Variants in ADRA1A observed in about 807,000 individuals in gnomAD.
ADRA1A encodes adrenoceptor alpha 1A.
Under a neutral mutation model 29.6 loss-of-function variants are expected in ADRA1A, and 31 were observed. The observed-to-expected ratio is 1.05, with a 90% confidence interval of 0.79 to 1.41. The LOEUF is 1.41. Ranked by LOEUF, ADRA1A falls within the 40% of genes most tolerant of loss-of-function variation. ADRA1A has a pLI of 0.00. For missense variants in ADRA1A, 619 were observed against 601.1 expected (o/e 1.03, Z -0.31); for synonymous variants, 311 against 254.3 (o/e 1.22, Z -2.12).
At chr8:26,778,146 G>C (rs1284556615) in intron 2 of ADRA1A, among the ~76,000 whole-genome samples, 1 of 152,160 alleles carries the variant, frequency 6.6e-6, no homozygotes, top group Non-Finnish European at 1.5e-5. Flanking sequence ...AGTTAACAAA[G>C]CCTAAGAAGC....
In ADRA1A at chr8:26,787,786, G is replaced by C. The variant is rs1315415038; in HGVS notation, c.884-17120C>G. Among the ~76,000 whole-genome samples, 2 of 152,124 alleles carry C rather than the reference G, an allele frequency of 1.3e-5. No homozygotes were observed. Among genetic ancestry groups the C allele is most frequent in the African/African-American group, 4.8e-5 (2 of 41,414 alleles). ...CAGTTTCCTGGCACACGTAAGTTCA[G>C]TGTCTGGCTGTAAGCATTTGCTCAT... On this transcript the variant is annotated intron_variant, in intron 2 of 2. Coordinates refer to ENST00000380573, the MANE Select transcript of ADRA1A (RefSeq NM_000680.4). This position sits in a 1 kb window ranked among gnomAD's most constrained non-coding sequence, Gnocchi z 4.2.
chr8:26,790,733 G>C (rs921391232), intron 2 of ADRA1A, among the ~76,000 whole-genome samples: 21 of 151,970 alleles, frequency 1.4e-4, no homozygotes, highest in African/African-American at 4.8e-4. Flanking sequence ...TAATATGTAT[G>C]GTTATTTTGT....
At position 26,831,849 on chromosome 8, in the gene ADRA1A, C is replaced by T. The variant is rs143671283; in HGVS notation, c.883+32238G>A. ...GGTCTCTGGGGCTGTCAGCAGCCAC[C>T]GCCCCTGCGCTGTGGGCTCCCTGCC... On this transcript the variant is annotated intron_variant, in intron 2 of 2. Transcript: ENST00000380573. This position sits in a 1 kb window ranked among gnomAD's most constrained non-coding sequence, Gnocchi z 5.2. Among the ~76,000 whole-genome samples, 274 of 152,334 alleles carry T rather than the reference C, an allele frequency of 1.8e-3. No homozygotes were observed. Among genetic ancestry groups the T allele is most frequent in the Admixed American group, 2.7e-3 (41 of 15,302 alleles).
intron 2 of ADRA1A, among the ~76,000 whole-genome samples, chr8:26,813,847 GC>G (rs1809581908): frequency 1.3e-5 from 2 of 151,852 alleles, no homozygotes; most frequent in Non-Finnish European, 2.9e-5. Context: ...TTTAGACTAG[GC>G]TCAAAAACCT....
chr8:26,764,514 G>A (rs758329012), downstream of ADRA1A, among the ~76,000 whole-genome samples: 6 of 152,172 alleles, frequency 3.9e-5, no homozygotes, highest in Non-Finnish European at 5.9e-5. Flanking sequence ...AGATATGAAC[G>A]TCAAGAGTGT....
At chr8:26,762,774 G>A (rs1033080602), downstream of ADRA1A, among the ~76,000 whole-genome samples, 2 of 152,094 alleles carry the variant, frequency 1.3e-5, no homozygotes, top group African/African-American at 4.8e-5. The surrounding 1 kb of genome is among the most constrained non-coding windows in gnomAD (Gnocchi z 4.0). Flanking sequence ...CACCATCCAC[G>A]CCCCATCTCA....
chr8:26,784,633 T>C (rs767742890), intron 2 of ADRA1A, among the ~76,000 whole-genome samples: 28 of 152,366 alleles, frequency 1.8e-4, no homozygotes, highest in Non-Finnish European at 2.9e-4. Context: ...GATTTGATTT[T>C]GGAGAGTTAG....
chr8:26,832,782 C>A (rs942335614), intron 2 of ADRA1A, among the ~76,000 whole-genome samples: 3 of 152,164 alleles, frequency 2.0e-5, no homozygotes, highest in Non-Finnish European at 2.9e-5. Flanking sequence ...GGGAGGCAAG[C>A]AGGATGGGGT....
At chr8:26,783,884 A>G (rs1321374195) in intron 2 of ADRA1A, among the ~76,000 whole-genome samples, 1 of 152,206 alleles carries the variant, frequency 6.6e-6, no homozygotes, top group African/African-American at 2.4e-5. Context: ...TTGCAGGGAC[A>G]TGGTTGGAGT....
At chr8:26,763,697 C>G (rs141523179), downstream of ADRA1A, among the ~76,000 whole-genome samples, 8 of 152,336 alleles carry the variant, frequency 5.3e-5, no homozygotes, top group Non-Finnish European at 7.3e-5. The surrounding 1 kb of genome is among the most constrained non-coding windows in gnomAD (Gnocchi z 4.5). Flanking sequence ...ACACTGTTAG[C>G]TAGTAACGGC....
rs752115961 is a variant in ADRA1A at position 26,779,277 on chromosome 8, C to A, written c.884-8611G>T. On this transcript the variant is annotated intron_variant, in intron 2 of 2. Transcript: ENST00000380573. ...CTCCCTTTTTTTTGCCTCTTACATT[C>A]CAACTGGTCACCAAACCCCACAGGT... The A allele has an allele frequency of 3.3e-5, 23 of 701,736 alleles. No individual in the cohort carries two copies. The East Asian group carries it at 4.8e-4, about 15-fold the overall frequency. The allele number at this position is 701,736 out of a possible 1,614,324, so 43.5% of individuals were successfully genotyped here. A position where few individuals can be genotyped will look rare whatever the true frequency, so the allele number is the denominator to read the frequency against.
chr8:26,759,370 A>G (rs1465990604), intron 2 of ADRA1A, among the ~76,000 whole-genome samples: 1 of 151,834 alleles, frequency 6.6e-6, no homozygotes, highest in African/African-American at 2.4e-5. Context: ...TAAAAGTATG[A>G]CTCTTTTTTT....
intron 2 of ADRA1A, chr8:26,835,767 G>C (rs1440797347): frequency 6.6e-6 from 1 of 152,200 alleles, no homozygotes; most frequent in Admixed American, 6.5e-5. Context: ...CATGGTCAAA[G>C]GGGTTACTGA....
intron 2 of ADRA1A, among the ~76,000 whole-genome samples, chr8:26,810,210 G>T (rs59974716): frequency 0.026 from 4,023 of 152,268 alleles, 175 homozygotes; most frequent in African/African-American, 0.092. Flanking sequence ...TTACAAAAGG[G>T]TCACCATTCA....
intron 2 of ADRA1A, among the ~76,000 whole-genome samples, chr8:26,822,589 A>C (rs556200134): frequency 6.6e-6 from 1 of 152,372 alleles, no homozygotes; most frequent in Non-Finnish European, 1.5e-5. Context: ...AGAAAACTGC[A>C]TGAAAGACAT....
intron 2 of ADRA1A, among the ~76,000 whole-genome samples, chr8:26,849,448 A>C (rs1211775466): frequency 2.0e-5 from 3 of 152,232 alleles, no homozygotes; most frequent in African/African-American, 7.2e-5. Flanking sequence ...AGGAGAGGGC[A>C]CTACACACCC....
chr8:26,837,680 T>C (rs934490945), intron 2 of ADRA1A, among the ~76,000 whole-genome samples: 9 of 149,592 alleles, frequency 6.0e-5, no homozygotes, highest in East Asian at 1.9e-4. Flanking sequence ...ACAGTAGCCA[T>C]TGGGCTAGAT....
At chr8:26,782,213 C>T (rs953195152) in intron 2 of ADRA1A, among the ~76,000 whole-genome samples, 1 of 152,220 alleles carries the variant, frequency 6.6e-6, no homozygotes, top group African/African-American at 2.4e-5. Context: ...CTCTTTCTCC[C>T]CAGCCACTTG....
chr8:26,779,667 G>T (rs566064630), intron 2 of ADRA1A, among the ~76,000 whole-genome samples: 2 of 152,208 alleles, frequency 1.3e-5, no homozygotes, highest in Admixed American at 6.5e-5. Context: ...TATCCTAGAG[G>T]TTTACTTTGA....
Sources: gnomAD v4.1 joint callset for allele counts (sites outside exome capture counted in the v4.1 genomes callset) on GRCh38, gnomAD v4.1.1 for gene constraint, Gnocchi (gnomAD v3.1) non-coding constraint, MANE v1.5 for transcripts, NCBI Gene and HGNC (gene_info 2026-07-23, HGNC 2026-07-21) for gene names.